Variants in FAF1 observed in about 807,000 individuals in gnomAD.
FAF1 encodes the protein FAS-associated factor 1.
FAF1 carries 25 observed loss-of-function variants against 92.5 expected under a neutral mutation model. That is an observed-to-expected ratio of 0.27 (90% CI 0.20 to 0.38). The LOEUF (loss-of-function observed/expected upper bound fraction) is 0.38. Ranked by LOEUF, FAF1 falls within the 10% of genes least tolerant of loss-of-function variation. FAF1 has a pLI of 1.00. For synonymous variants in FAF1, 234 were observed against 273.2 expected (o/e 0.86, Z 1.42); for missense variants, 636 against 793.3 (o/e 0.80, Z 2.38).
intron 4 of FAF1, chr1:50,780,601 C>A: frequency 5.1e-6 from 1 of 197,534 alleles, no homozygotes; most frequent in South Asian, 9.5e-5. Flanking sequence ...TACAGAATGT[C>A]AGTGTAACTG....
At chr1:50,954,018 G>A (rs969479249) in intron 1 of FAF1, among the ~76,000 whole-genome samples, 17 of 151,742 alleles carry the variant, frequency 1.1e-4, no homozygotes, top group Non-Finnish European at 2.2e-4. Flanking sequence ...GCGCGATCTC[G>A]GCTCACTGCA....
At chr1:50,629,622 C>T (rs894251202) in intron 8 of FAF1, among the ~76,000 whole-genome samples, 18 of 152,130 alleles carry the variant, frequency 1.2e-4, no homozygotes, top group African/African-American at 3.4e-4. Flanking sequence ...TAGTCAAACA[C>T]GGGTCAAGAT....
At chr1:50,769,957 A>T (rs1660719704) in intron 4 of FAF1, among the ~76,000 whole-genome samples, 1 of 152,194 alleles carries the variant, frequency 6.6e-6, no homozygotes, top group Admixed American at 6.5e-5. Context: ...AGGCTAAGGC[A>T]AGAGAATCAC....
intron 7 of FAF1, among the ~76,000 whole-genome samples, chr1:50,688,812 C>CAAAAT (rs1024846801): frequency 2.0e-5 from 3 of 151,762 alleles, no homozygotes; most frequent in Admixed American, 1.3e-4. Context: ...AACTCTATCT[C>CAAAAT]AAAATAAAAT....
intron 1 of FAF1, among the ~76,000 whole-genome samples, chr1:50,909,516 C>A (rs942471402): frequency 6.6e-6 from 1 of 152,210 alleles, no homozygotes; most frequent in African/African-American, 2.4e-5. Context: ...GTACACCAAT[C>A]AGATGCAGAT....
At chr1:50,840,085 T>G (rs959862465) in intron 2 of FAF1, among the ~76,000 whole-genome samples, 7 of 151,928 alleles carry the variant, frequency 4.6e-5, no homozygotes, top group African/African-American at 1.7e-4. Context: ...AAACCTACAC[T>G]CACACCATAC....
intron 3 of FAF1, among the ~76,000 whole-genome samples, chr1:50,800,431 G>C (rs1661943935): frequency 6.6e-6 from 1 of 152,178 alleles, no homozygotes; most frequent in Non-Finnish European, 1.5e-5. Context: ...AAGTTCATCT[G>C]GTTTGCTTTC....
chr1:50,660,479 G>T (rs1410745548), intron 7 of FAF1, among the ~76,000 whole-genome samples: 1 of 151,782 alleles, frequency 6.6e-6, no homozygotes, highest in African/African-American at 2.4e-5. Context: ...CATACCTCGA[G>T]GCAGAGAACT....
intron 7 of FAF1, among the ~76,000 whole-genome samples, chr1:50,694,424 G>A (rs940143453): frequency 1.3e-5 from 2 of 148,468 alleles, no homozygotes; most frequent in African/African-American, 2.6e-5. Context: ...TTGAAATTGA[G>A]TTTTCATTAA....
At chr1:50,914,651 T>G (rs1210347611) in intron 1 of FAF1, among the ~76,000 whole-genome samples, 1 of 152,228 alleles carries the variant, frequency 6.6e-6, no homozygotes, top group Non-Finnish European at 1.5e-5. Flanking sequence ...TTTGTCTTAC[T>G]CTACTATTTG....
intron 1 of FAF1, among the ~76,000 whole-genome samples, chr1:50,915,048 T>C (rs1318903051): frequency 6.6e-6 from 1 of 152,200 alleles, no homozygotes; most frequent in African/African-American, 2.4e-5. Flanking sequence ...GATGCTTCTG[T>C]CCTCTTCTAC....
intron 18 of FAF1, among the ~76,000 whole-genome samples, chr1:50,457,789 A>G (rs1646373556): frequency 6.8e-6 from 1 of 146,224 alleles, no homozygotes; most frequent in Non-Finnish European, 1.5e-5. Context: ...TTATAGTCCC[A>G]GCTACTGGGG....
rs17106295 is a variant in FAF1 at position 50,583,027 on chromosome 1, C to T, written c.1032-328G>A. On this transcript the variant is annotated intron_variant, in intron 11 of 18. Coordinates refer to ENST00000396153, the MANE Select transcript of FAF1 (RefSeq NM_007051.3). The surrounding 1 kb of genome is among the most constrained non-coding windows in gnomAD (Gnocchi z 4.2). ...TAGTTACATTAGCCTTATTTTCCCA[C>T]TTCAGTTCATTTATTCCAGAATTCC... Among the ~76,000 whole-genome samples the T allele has an allele frequency of 6.5e-3, 988 of 152,152 alleles. 18 individuals are homozygous for T. Among genetic ancestry groups the T allele is most frequent in the African/African-American group, 0.023 (944 of 41,568 alleles).
chr1:50,818,196 A>G lies in FAF1; in HGVS notation c.115-16519T>C, dbSNP rs149536787. Among the ~76,000 whole-genome samples the G allele has an allele frequency of 8.3e-3, 1,263 of 152,346 alleles. 13 individuals carry two copies. The highest frequency in any genetic ancestry group is 0.016 in the Admixed American group (246 of 15,308). ...TTAAAGAAGAACCACAAAAAATTCCATCTTAAACACACTAAAGTGCGTGAA... is the reference window on the plus strand; with the variant it reads ...TTAAAGAAGAACCACAAAAAATTCCGTCTTAAACACACTAAAGTGCGTGAA... On this transcript the variant is annotated intron_variant, in intron 2 of 18. Coordinates refer to ENST00000396153, the MANE Select transcript of FAF1 (RefSeq NM_007051.3).
chr1:50,935,302 C>T (rs1006415405), intron 1 of FAF1, among the ~76,000 whole-genome samples: 10 of 152,234 alleles, frequency 6.6e-5, no homozygotes, highest in African/African-American at 2.4e-4. Flanking sequence ...TTACAAATCA[C>T]CATGAATTCA....
intron 7 of FAF1, among the ~76,000 whole-genome samples, chr1:50,688,426 A>G (rs1306074528): frequency 6.6e-6 from 1 of 152,246 alleles, no homozygotes; most frequent in Non-Finnish European, 1.5e-5. Context: ...AATACTCAAA[A>G]GGTGGAAACA....
intron 17 of FAF1, among the ~76,000 whole-genome samples, chr1:50,488,450 G>C (rs1646791524): frequency 6.6e-6 from 1 of 152,180 alleles, no homozygotes; most frequent in Non-Finnish European, 1.5e-5. Flanking sequence ...AGCCAGTATG[G>C]TTGACGATAC....
At chr1:50,818,660 C>T (rs929181117) in intron 2 of FAF1, among the ~76,000 whole-genome samples, 1 of 152,166 alleles carries the variant, frequency 6.6e-6, no homozygotes, top group African/African-American at 2.4e-5. Flanking sequence ...TCTCCCTTAT[C>T]TAAAATGCTT....
Position 50,863,468 on chromosome 1 carries a change from G to C in FAF1, c.46-5471C>G, listed in dbSNP as rs531401486. ...ATACCTCAAGAAACTAGAGAAACAA[G>C]AAGAAAACAAACCCAAACCCAGCAG... On this transcript the variant is annotated intron_variant, in intron 1 of 18. Transcript: ENST00000396153. Among the ~76,000 whole-genome samples the C allele has an allele frequency of 9.2e-5, 14 of 151,734 alleles. No homozygotes were observed. In the South Asian group the frequency reaches 2.7e-3, roughly 29 times the overall value.
Sources: allele counts gnomAD v4.1 joint callset (sites outside exome capture counted in the v4.1 genomes callset), GRCh38; gene constraint gnomAD v4.1.1; non-coding constraint Gnocchi (gnomAD v3.1); transcripts MANE v1.5; gene names NCBI Gene and HGNC (gene_info 2026-07-23, HGNC 2026-07-21).